The following PCDHGA7 variants were observed in gnomAD, a reference collection of about 807,000 sequenced individuals.
PCDHGA7 encodes protocadherin gamma subfamily A, 7, also known as protocadherin gamma-A7.
A neutral mutation model predicts 58.3 loss-of-function variants in PCDHGA7; 44 were observed. The ratio of observed to expected loss-of-function variants is 0.75; its 90% confidence interval spans 0.59 to 0.97. The LOEUF (loss-of-function observed/expected upper bound fraction) is 0.97. PCDHGA7 is among the 50% of genes least tolerant of loss of function. The probability of loss-of-function intolerance (pLI) is 0.00; values close to 1 mark genes in which losing one functional copy is unlikely to be tolerated. For missense variants in PCDHGA7, 1,266 were observed against 1,188.7 expected (o/e 1.06, Z -0.96); for synonymous variants, 516 against 504.2 (o/e 1.02, Z -0.31).
intron 1 of PCDHGA7, chr5:141,427,571 G>A: frequency 1.5e-6 from 1 of 662,942 alleles, no homozygotes. Flanking sequence ...GCAAGCCTCC[G>A]CTCTCATCCA....
chr5:141,478,711 T>A, intron 1 of PCDHGA7: 1 of 1,547,346 alleles, frequency 6.5e-7, no homozygotes, highest in Non-Finnish European at 8.7e-7. Flanking sequence ...CTTTGTGAGA[T>A]GGTGGCCTGC....
intron 2 of PCDHGA7, among the ~76,000 whole-genome samples, chr5:141,502,725 G>A (rs1020846462): frequency 2.0e-5 from 3 of 152,150 alleles, no homozygotes; most frequent in Non-Finnish European, 4.4e-5. Context: ...ATTACAAAGC[G>A]GTGATGTTCT....
intron 1 of PCDHGA7, among the ~76,000 whole-genome samples, chr5:141,407,479 T>C (rs1042229151): frequency 1.4e-5 from 2 of 144,060 alleles, no homozygotes; most frequent in East Asian, 1.9e-4. Context: ...GAATGGAGTA[T>C]GGAAAATCTT....
At chr5:141,420,211 T>C (rs759486952) in intron 1 of PCDHGA7, 11 of 1,612,388 alleles carry the variant, frequency 6.8e-6, no homozygotes, top group African/African-American at 1.3e-5. Context: ...TCAACAAAGA[T>C]AGCATGCTAC....
chr5:141,445,828 G>A (rs1188169953), intron 1 of PCDHGA7, among the ~76,000 whole-genome samples: 2 of 152,188 alleles, frequency 1.3e-5, no homozygotes, highest in African/African-American at 2.4e-5. Context: ...AAGGCAGGGA[G>A]AGCCTTGTAA....
At position 141,487,611 on chromosome 5, in the gene PCDHGA7, T is replaced by C. The variant is rs1215704705; in HGVS notation, c.2425-7196T>C. ...CCACCCTCTGATCTTCTCTATGGGCTAGAGGTGAGACCTTTGCAGGCTCAA... is the reference window on the plus strand; with the variant it reads ...CCACCCTCTGATCTTCTCTATGGGCCAGAGGTGAGACCTTTGCAGGCTCAA... On this transcript the variant is annotated intron_variant, in intron 1 of 3. Transcript: ENST00000518325. This position sits in a 1 kb window ranked among gnomAD's most constrained non-coding sequence, Gnocchi z 5.0. The C allele has an allele frequency of 1.2e-6, 2 of 1,614,206 alleles. No homozygotes were observed. The highest frequency in any genetic ancestry group is 1.7e-6 in the Non-Finnish European group (2 of 1,180,036).
At chr5:141,388,363 C>T (rs778705302) in intron 1 of PCDHGA7, 6 of 1,613,854 alleles carry the variant, frequency 3.7e-6, no homozygotes, top group South Asian at 3.3e-5. Flanking sequence ...GCCCATGATG[C>T]GGATATTGGT....
intron 1 of PCDHGA7, chr5:141,389,301 A>T: frequency 6.2e-7 from 1 of 1,614,008 alleles, no homozygotes; most frequent in Non-Finnish European, 8.5e-7. Context: ...TTCACAAGTC[A>T]GGGCTTCTGA....
chr5:141,454,892 C>T (rs1389056318), intron 1 of PCDHGA7, among the ~76,000 whole-genome samples: 4 of 146,994 alleles, frequency 2.7e-5, no homozygotes, highest in Non-Finnish European at 5.9e-5. Context: ...ACTGCTAGCA[C>T]CGCCTCCCGG....
At position 141,432,673 on chromosome 5, in the gene PCDHGA7, C is replaced by A. The variant is rs770930842; in HGVS notation, c.2424+47350C>A. 5 of 1,613,922 alleles carry A rather than the reference C, an allele frequency of 3.1e-6. No homozygotes were observed. Among genetic ancestry groups the A allele is most frequent in the Non-Finnish European group, 4.2e-6 (5 of 1,179,960 alleles). On this transcript the variant is annotated intron_variant, in intron 1 of 3. Coordinates refer to ENST00000518325, the MANE Select transcript of PCDHGA7 (RefSeq NM_018920.4). This position sits in a 1 kb window ranked among gnomAD's most constrained non-coding sequence, Gnocchi z 6.0. ...GAGCCCTGCTGGACAGAGACGCGCTCAAGCAGAGCCTCGTAGTGGCCGTCC... is the reference window on the plus strand; with the variant it reads ...GAGCCCTGCTGGACAGAGACGCGCTAAAGCAGAGCCTCGTAGTGGCCGTCC...
intron 1 of PCDHGA7, chr5:141,428,335 T>G (rs535486665): frequency 3.3e-6 from 2 of 615,106 alleles, no homozygotes; most frequent in East Asian, 5.9e-5. Context: ...TTCTATGCTC[T>G]TCTTCCTCGC....
At chr5:141,507,862 G>A (rs17286954) in intron 3 of PCDHGA7, among the ~76,000 whole-genome samples, 4 of 152,076 alleles carry the variant, frequency 2.6e-5, no homozygotes, top group African/African-American at 7.2e-5. Flanking sequence ...TTTCACACCC[G>A]CTTCCTAGCC....
intron 1 of PCDHGA7, chr5:141,422,076 G>C (rs2096622180): frequency 1.2e-6 from 2 of 1,612,270 alleles, no homozygotes; most frequent in South Asian, 1.1e-5. Flanking sequence ...ATTCATTTCG[G>C]AACATGGAAA....
intron 1 of PCDHGA7, among the ~76,000 whole-genome samples, chr5:141,459,559 A>AC (rs920626314): frequency 6.6e-6 from 1 of 152,198 alleles, no homozygotes; most frequent in Non-Finnish European, 1.5e-5. Flanking sequence ...TTGGATAAAT[A>AC]CCCCAAAACA....
intron 1 of PCDHGA7, among the ~76,000 whole-genome samples, chr5:141,465,905 G>A (rs938438286): frequency 6.6e-6 from 1 of 151,958 alleles, no homozygotes; most frequent in Admixed American, 6.6e-5. Flanking sequence ...GGCAAATCAC[G>A]AGGTCAGGAT....
At chr5:141,403,594 C>A in intron 1 of PCDHGA7, 2 of 1,613,848 alleles carry the variant, frequency 1.2e-6, no homozygotes, top group Non-Finnish European at 1.7e-6. Context: ...TCCTCACGGC[C>A]TCGGATGGCG....
chr5:141,383,977 A>G lies in PCDHGA7; in HGVS notation c.1078A>G (p.Thr360Ala), dbSNP rs1187887484. The change falls in exon 1 of 4, where the codon ACA (threonine) becomes GCA (alanine). Residue 360 changes from threonine to alanine, a missense_variant. Transcript: ENST00000518325. Reference protein sequence around the residue: ...TSLSSSIPEDTPLGTVIALFY... With the variant: ...TSLSSSIPEDAPLGTVIALFY... ...TTTAAGTAGCTCAATCCCTGAAGAC[A>G]CACCTCTTGGGACAGTCATTGCTCT... 1 of 1,613,786 alleles carries G rather than the reference A, an allele frequency of 6.2e-7. No individual in the cohort carries two copies. Among genetic ancestry groups the G allele is most frequent in the Non-Finnish European group, 8.5e-7 (1 of 1,179,722 alleles).
Position 141,486,998 on chromosome 5 carries a change from C to T in PCDHGA7, c.2425-7809C>T. 1.2e-6 allele frequency: 2 copies of T among 1,614,206 alleles called. No individual in the cohort carries two copies. Among genetic ancestry groups the T allele is most frequent in the Non-Finnish European group, 1.7e-6 (2 of 1,180,034 alleles). On this transcript the variant is annotated intron_variant, in intron 1 of 3. Transcript: ENST00000518325. The surrounding 1 kb of genome is among the most constrained non-coding windows in gnomAD (Gnocchi z 5.0). The stretch of plus-strand genomic sequence containing the variant: ...AGGTTACAATGCTTGGGTTTCCTAT[C>T]AGCTCCTGGAGGCCCCAGATCCCAG...
At chr5:141,502,441 GAT>G (rs2099814262) in intron 2 of PCDHGA7, among the ~76,000 whole-genome samples, 1 of 152,000 alleles carries the variant, frequency 6.6e-6, no homozygotes, top group Non-Finnish European at 1.5e-5. Flanking sequence ...GTTAGATTCA[GAT>G]TACACACCTT....
Sources: allele counts gnomAD v4.1 joint callset (sites outside exome capture counted in the v4.1 genomes callset), GRCh38; gene constraint gnomAD v4.1.1; non-coding constraint Gnocchi (gnomAD v3.1); transcripts MANE v1.5; gene names NCBI Gene and HGNC (gene_info 2026-07-23, HGNC 2026-07-21).